CD101: variants seen among roughly 807,000 people sequenced by gnomAD.
CD101 encodes the protein CD101 molecule, also known as immunoglobulin superfamily member 2.
Under a neutral mutation model 98.2 loss-of-function variants are expected in CD101, and 76 were observed. The ratio of observed to expected loss-of-function variants is 0.77; its 90% CI spans 0.64 to 0.94. The LOEUF (loss-of-function observed/expected upper bound fraction) is 0.94. Among genes scored for constraint, CD101 ranks in the 40% least tolerant of loss-of-function variants. CD101 has a pLI of 0.00. For missense variants in CD101, 1,145 were observed against 1,218.8 expected, an observed-to-expected ratio of 0.94 and a Z score of 0.90; for synonymous variants, 471 against 472.7, an observed-to-expected ratio of 1.00 and a Z score of 0.05.
rs1570752249 is a variant in CD101, at chr1:117,033,348, T to A, written c.2825-512T>A. Among the ~76,000 whole-genome samples, 2 of 151,142 alleles carry A rather than the reference T, an allele frequency of 1.3e-5. No homozygotes were observed. Among genetic ancestry groups the A allele is most frequent in the African/African-American group, 4.9e-5 (2 of 41,054 alleles). ...AGGGCCAGGCTTGGGTCAGCGGGGG[T>A]AGGGGCTTCTTATTGTGGGTGTGAT... On this transcript the variant is annotated intron_variant, in intron 8 of 9. Transcript: ENST00000682167. The surrounding 1 kb of genome is among the most constrained non-coding windows in gnomAD (Gnocchi z 4.8).
At chr1:117,011,522 C>T (rs966444332) in intron 2 of CD101, 28 bp from the exon 3 acceptor site, 16 of 1,592,632 alleles carry the variant, frequency 1.0e-5, no homozygotes, top group Non-Finnish European at 1.4e-5. Flanking sequence ...CTGGGCCAGT[C>T]ACATTATTAT....
chr1:117,013,170 A>G (rs1652990136), intron 3 of CD101, among the ~76,000 whole-genome samples: 1 of 152,188 alleles, frequency 6.6e-6, no homozygotes, highest in Non-Finnish European at 1.5e-5. Flanking sequence ...TTGCTTACTA[A>G]GAGTGCATTC....
rs150494742 is a variant in CD101 at position 117,034,057 on chromosome 1, A to G, written c.3022A>G (p.Thr1008Ala). ...WVDLKEAGGV[T>A]TNRREDEEED... ...GGACTTGAAAGAGGCTGGAGGTGTG[A>G]CCACAAATAGGAGGGAAGACGAGGA... Residue 1008 changes from threonine to alanine, a missense_variant, in exon 9 of 10, where the codon ACC (threonine) becomes GCC (alanine). Coordinates refer to ENST00000682167, the MANE Select transcript of CD101 (RefSeq NM_001256106.3). 8.9e-4 allele frequency: 1,438 copies of G among 1,614,196 alleles called. 9 individuals are homozygous for G. The African/African-American group carries it at 0.016, about 18-fold the overall frequency.
At chr1:117,024,352 C>T (rs1653769263) in intron 7 of CD101, among the ~76,000 whole-genome samples, 1 of 152,180 alleles carries the variant, frequency 6.6e-6, no homozygotes, top group African/African-American at 2.4e-5. Context: ...TGGCCCATGC[C>T]TGTAATCCCA....
rs1261131292 is a variant in CD101, at chr1:117,018,357, A to G, written c.1814A>G (p.Asn605Ser). ...CACAATGGCACTATTGAATGGGGGA[A>G]TTTCCTATCCCGGTTCCAAAAGAAG... ...ITHNGTIEWG[N>S]FLSRFQKKTK... The change falls in exon 6 of 10, where the codon AAT becomes AGT. Residue 605 changes from asparagine to serine, a missense_variant. Coordinates refer to ENST00000682167, the MANE Select transcript of CD101 (RefSeq NM_001256106.3). This position sits in a 1 kb window ranked among gnomAD's most constrained non-coding sequence, Gnocchi z 4.3. The G allele has an allele frequency of 4.3e-6, 7 of 1,614,042 alleles. No individual in the cohort carries two copies. In the Admixed American group the frequency reaches 5.0e-5, roughly 12 times the overall value.
chr1:117,032,990 G>T (rs1013690585), intron 8 of CD101: 23 of 152,234 alleles, frequency 1.5e-4, no homozygotes, highest in African/African-American at 5.3e-4. Context: ...ATTCAGATCA[G>T]CAAAAGTTAC....
chr1:117,031,309 G>A (rs772365388), intron 8 of CD101, among the ~76,000 whole-genome samples: 1 of 152,092 alleles, frequency 6.6e-6, no homozygotes, highest in Non-Finnish European at 1.5e-5. Context: ...AAGCAGAGTA[G>A]CAGATTTATT....
At chr1:117,026,470 G>T (rs1191397915) in intron 8 of CD101, 2 of 152,368 alleles carry the variant, frequency 1.3e-5, no homozygotes, top group East Asian at 1.9e-4. Flanking sequence ...GTTTTTCCCT[G>T]TTCATTCCTC....
chr1:117,026,124 A>T, intron 8 of CD101: 1 of 487,624 alleles, frequency 2.1e-6, no homozygotes, highest in Middle Eastern at 5.3e-4. Context: ...ACACTTAAAT[A>T]TCGGGAGCAT....
At chr1:117,030,838 A>G (rs1485994409) in intron 8 of CD101, among the ~76,000 whole-genome samples, 1 of 152,026 alleles carries the variant, frequency 6.6e-6, no homozygotes, top group Non-Finnish European at 1.5e-5. Context: ...TTTATCTCAC[A>G]CCTCTTTTCT....
chr1:117,016,081 G>A (rs1653196704), intron 4 of CD101, among the ~76,000 whole-genome samples: 2 of 151,834 alleles, frequency 1.3e-5, no homozygotes, highest in South Asian at 4.2e-4. Flanking sequence ...GTTTTACACT[G>A]TAGTTTAGAC....
intron 4 of CD101, among the ~76,000 whole-genome samples, chr1:117,015,717 C>T (rs1002675320): frequency 3.3e-5 from 5 of 152,212 alleles, no homozygotes; most frequent in Non-Finnish European, 7.3e-5. Flanking sequence ...CTAATGCTAG[C>T]AGCTAACCTT....
chr1:117,009,192 G>A (rs1652725600), intron 1 of CD101, among the ~76,000 whole-genome samples: 1 of 152,216 alleles, frequency 6.6e-6, no homozygotes, highest in Non-Finnish European at 1.5e-5. Context: ...CCCAGAACCT[G>A]CTGGATTTTC....
Position 117,017,288 on chromosome 1 carries a change from G to A in CD101, c.1427G>A (p.Gly476Glu). The change falls in exon 5 of 10, where the codon GGG (glycine) becomes GAG (glutamate). Residue 476 changes from glycine (G) to glutamate (E), a missense_variant. Transcript: ENST00000682167. ...ATTGTGCAGCTGGGTGCCTCCTATGGGGTACCCAGTTACCATGGCAACACA... is the reference window on the plus strand; with the variant it reads ...ATTGTGCAGCTGGGTGCCTCCTATGAGGTACCCAGTTACCATGGCAACACA... Reference protein sequence around the residue: ...DGIVQLGASYGVPSYHGNTRL... With the variant: ...DGIVQLGASYEVPSYHGNTRL... 2 of 1,614,194 alleles carry A rather than the reference G, an allele frequency of 1.2e-6. No homozygotes were observed. The highest frequency in any genetic ancestry group is 1.1e-5 in the South Asian group (1 of 91,082).
rs1557768667 is a variant in CD101, at chr1:117,013,751, A to G, written c.1187A>G (p.Lys396Arg). ...RTGSWQVLQR[K>R]QSPDSHVHLR... ...GGTTCCTGGCAGGTGCTTCAGAGAAAGCAGTCACCAGACAGCCACGTGCAC... is the reference window on the plus strand; with the variant it reads ...GGTTCCTGGCAGGTGCTTCAGAGAAGGCAGTCACCAGACAGCCACGTGCAC... Residue 396 changes from lysine to arginine, a missense_variant, in exon 4 of 10, where the codon AAG (lysine) becomes AGG (arginine). Lys to Arg is a conservative substitution (Grantham distance 26, BLOSUM62 2). Transcript: ENST00000682167. 6.2e-7 allele frequency: 1 copy of G among 1,613,502 alleles called. No individual in the cohort carries two copies. The highest frequency in any genetic ancestry group is 8.5e-7 in the Non-Finnish European group (1 of 1,179,960).
rs924158428 is a variant in CD101 at position 117,033,356 on chromosome 1, T to A, written c.2825-504T>A. On this transcript the variant is annotated intron_variant, in intron 8 of 9. Transcript: ENST00000682167. The surrounding 1 kb of genome is among the most constrained non-coding windows in gnomAD (Gnocchi z 4.8). Reference sequence around the variant, plus strand: ...GCTTGGGTCAGCGGGGGTAGGGGCTTCTTATTGTGGGTGTGATTGTTTTAT... The same window carrying A: ...GCTTGGGTCAGCGGGGGTAGGGGCTACTTATTGTGGGTGTGATTGTTTTAT... Among the ~76,000 whole-genome samples the A allele has an allele frequency of 6.6e-6, 1 of 151,954 alleles. No individual in the cohort carries two copies. Among genetic ancestry groups the A allele is most frequent in the African/African-American group, 2.4e-5 (1 of 41,370 alleles).
At position 117,010,971 on chromosome 1, in the gene CD101, A is replaced by G. The variant is rs1447553952; in HGVS notation, c.425-579A>G. ...AGTAGACGCTCAGTCACATTCATTGATTAAATCTAAGTGTTGCTTTCATAT... is the reference window on the plus strand; with the variant it reads ...AGTAGACGCTCAGTCACATTCATTGGTTAAATCTAAGTGTTGCTTTCATAT... On this transcript the variant is annotated intron_variant, in intron 2 of 9. Coordinates refer to ENST00000682167, the MANE Select transcript of CD101 (RefSeq NM_001256106.3). This position sits in a 1 kb window ranked among gnomAD's most constrained non-coding sequence, Gnocchi z 5.2. 2.0e-5 allele frequency among the ~76,000 whole-genome samples: 3 copies of G among 152,186 alleles called. No individual in the cohort carries two copies. Among genetic ancestry groups the G allele is most frequent in the African/African-American group, 7.2e-5 (3 of 41,450 alleles).
intron 4 of CD101, among the ~76,000 whole-genome samples, chr1:117,015,061 T>C (rs1382978336): frequency 1.3e-5 from 2 of 152,206 alleles, no homozygotes; most frequent in African/African-American, 4.8e-5. Context: ...CAGCTGATAA[T>C]CCTATCAATA....
At chr1:117,017,034 G>T in intron 4 of CD101, 56 bp from the exon 5 acceptor site, 1 of 1,540,604 alleles carries the variant, frequency 6.5e-7, no homozygotes, top group South Asian at 1.3e-5. Context: ...CTGTATTTTA[G>T]AACATTTCTT....
Sources: gnomAD v4.1 joint callset for allele counts (sites outside exome capture counted in the v4.1 genomes callset) on GRCh38, gnomAD v4.1.1 for gene constraint, Gnocchi (gnomAD v3.1) non-coding constraint, MANE v1.5 for transcripts, NCBI Gene and HGNC (gene_info 2026-07-23, HGNC 2026-07-21) for gene names.